The following LGR4 variants were observed in gnomAD, a reference collection of about 807,000 sequenced individuals.
LGR4 encodes leucine-rich repeat-containing G protein-coupled receptor 4.
A neutral mutation model predicts 84.8 loss-of-function variants in LGR4; 44 were observed. The observed-to-expected ratio is 0.52, with a 90% CI of 0.41 to 0.67. LGR4 has a LOEUF of 0.67. Among genes scored for constraint, LGR4 ranks in the 30% least tolerant of loss-of-function variants. The pLI is 0.00. For synonymous variants in LGR4, 429 were observed against 434.3 expected, an observed-to-expected ratio of 0.99 and a Z score of 0.15; for missense variants, 1,032 against 1,131.4, an observed-to-expected ratio of 0.91 and a Z score of 1.26.
At chr11:27,383,580 CATTA>C (rs577526580) in intron 6 of LGR4, among the ~76,000 whole-genome samples, 120 of 152,256 alleles carry the variant, frequency 7.9e-4, no homozygotes, top group African/African-American at 2.8e-3. Context: ...TAAGTCTTCT[CATTA>C]ATTGACAGTT....
In LGR4 at chr11:27,472,436, C is replaced by T. The variant is rs1490784686; in HGVS notation, c.-134G>A. 2 of 598,066 alleles carry T rather than the reference C, an allele frequency of 3.3e-6. No individual in the cohort carries two copies. Among genetic ancestry groups the T allele is most frequent in the African/African-American group, 1.9e-5 (1 of 51,770 alleles). 37.0% of individuals were successfully genotyped at this position (598,066 alleles called of 1,614,324 possible). A position where few individuals can be genotyped will look rare whatever the true frequency, so the allele number is the denominator to read the frequency against. On this transcript the variant is annotated 5_prime_UTR_variant, in exon 1 of 18. Transcript: ENST00000379214. ...TCTCTTCCTCGGCGGTCCGCGCGGG[C>T]TCGGCCCCTTCAGCAGTCCGCCGCA...
At chr11:27,447,449 G>A (rs1016451488) in intron 1 of LGR4, among the ~76,000 whole-genome samples, 1 of 152,102 alleles carries the variant, frequency 6.6e-6, no homozygotes, top group African/African-American at 2.4e-5. Flanking sequence ...ATGTCATGGC[G>A]ATGTCCAGAA....
intron 2 of LGR4, among the ~76,000 whole-genome samples, chr11:27,411,659 T>A (rs1478417170): frequency 6.6e-6 from 1 of 152,154 alleles, no homozygotes; most frequent in Non-Finnish European, 1.5e-5. Flanking sequence ...GAGAGAATAA[T>A]TTGACCTAGC....
At chr11:27,419,923 G>T (rs1234917053) in intron 1 of LGR4, among the ~76,000 whole-genome samples, 2 of 151,922 alleles carry the variant, frequency 1.3e-5, no homozygotes, top group African/African-American at 4.8e-5. Context: ...GGCAACAGTT[G>T]GGGGGTGGAG....
chr11:27,383,886 A>ATAGCATC (rs1863142554), intron 6 of LGR4, among the ~76,000 whole-genome samples: 1 of 152,214 alleles, frequency 6.6e-6, no homozygotes, highest in Non-Finnish European at 1.5e-5. Context: ...AAACAACAAC[A>ATAGCATC]AAAGTATCAT....
Position 27,367,790 on chromosome 11 carries a change from G to T in LGR4, c.*77C>A. 2.8e-6 allele frequency: 3 copies of T among 1,076,244 alleles called. No individual in the cohort carries two copies. Among genetic ancestry groups the T allele is most frequent in the South Asian group, 1.6e-5 (1 of 61,338 alleles). The allele number at this position is 1,076,244 out of a possible 1,614,324, so 66.7% of individuals were successfully genotyped here. A position where few individuals can be genotyped will look rare whatever the true frequency, so the allele number is the denominator to read the frequency against. On this transcript the variant is annotated 3_prime_UTR_variant, in exon 18 of 18. Transcript: ENST00000379214. Reference sequence around the variant, plus strand: ...GCAGTGATTACAGAAGTGCTTCCCAGATGAAAGATGAGAATAGGGTTCACT... The same window carrying T: ...GCAGTGATTACAGAAGTGCTTCCCATATGAAAGATGAGAATAGGGTTCACT...
intron 10 of LGR4, 52 bp downstream of exon 10, chr11:27,380,219 C>T (rs1863065352): frequency 1.8e-6 from 2 of 1,137,390 alleles, no homozygotes; most frequent in Non-Finnish European, 2.6e-6. Flanking sequence ...ACCCTGCTAG[C>T]AGTCCAGTAG....
In LGR4 at chr11:27,410,732, C is replaced by T. The variant is rs186458715; in HGVS notation, c.257+2057G>A. Among the ~76,000 whole-genome samples, 243 of 152,206 alleles carry T rather than the reference C, an allele frequency of 1.6e-3. 2 individuals carry two copies. Among genetic ancestry groups the T allele is most frequent in the Non-Finnish European group, 8.8e-5 (6 of 67,982 alleles). On this transcript the variant is annotated intron_variant, in intron 2 of 17. Coordinates refer to ENST00000379214, the MANE Select transcript of LGR4 (RefSeq NM_018490.5). Reference sequence around the variant, plus strand: ...AGTATTCTTTAAAAATAACATTCTGCTCTCCTAACTGAATTCATTTTTGAA... The same window carrying T: ...AGTATTCTTTAAAAATAACATTCTGTTCTCCTAACTGAATTCATTTTTGAA...
At chr11:27,428,457 G>T (rs1864062354) in intron 1 of LGR4, among the ~76,000 whole-genome samples, 1 of 152,078 alleles carries the variant, frequency 6.6e-6, no homozygotes, top group Admixed American at 6.6e-5. Flanking sequence ...GCTCTTTTTG[G>T]AATAAAATGG....
chr11:27,397,388 A>G (rs1384556005), intron 2 of LGR4, among the ~76,000 whole-genome samples: 1 of 152,144 alleles, frequency 6.6e-6, no homozygotes, highest in Non-Finnish European at 1.5e-5. Context: ...CAATGATCTT[A>G]TATGTCCCTC....
intron 2 of LGR4, among the ~76,000 whole-genome samples, chr11:27,401,519 T>A (rs1247720985): frequency 1.3e-5 from 2 of 150,190 alleles, no homozygotes; most frequent in African/African-American, 4.9e-5. Flanking sequence ...GTTCCAGCTT[T>A]AAAAAAAAAA....
intron 1 of LGR4, among the ~76,000 whole-genome samples, chr11:27,470,420 G>A (rs573659788): frequency 2.1e-3 from 327 of 152,266 alleles, no homozygotes; most frequent in African/African-American, 7.4e-3. Flanking sequence ...GCTAAACAAG[G>A]TCTTTACTAC....
intron 1 of LGR4, 106 bp downstream of exon 1, chr11:27,472,012 C>T: frequency 2.5e-6 from 2 of 799,636 alleles, no homozygotes; most frequent in Non-Finnish European, 1.7e-6. Flanking sequence ...GCCCGGGCGG[C>T]GGCGGGGCGG....
chr11:27,376,922 T>C (rs1040671270), intron 12 of LGR4, among the ~76,000 whole-genome samples: 1 of 152,188 alleles, frequency 6.6e-6, no homozygotes, highest in African/African-American at 2.4e-5. Context: ...CTTTTAAATA[T>C]ACACTAACTT....
chr11:27,405,413 CT>C (rs1863586944), intron 2 of LGR4, among the ~76,000 whole-genome samples: 1 of 152,040 alleles, frequency 6.6e-6, no homozygotes, highest in African/African-American at 2.4e-5. Flanking sequence ...TTGGCAAGCT[CT>C]TTCAATCTAA....
chr11:27,393,091 T>G (rs951066239), intron 2 of LGR4, among the ~76,000 whole-genome samples: 1 of 152,160 alleles, frequency 6.6e-6, no homozygotes, highest in Non-Finnish European at 1.5e-5. Flanking sequence ...AATTTTGACA[T>G]GACAAATTCA....
chr11:27,421,992 T>C (rs1308160561), intron 1 of LGR4, among the ~76,000 whole-genome samples: 1 of 151,810 alleles, frequency 6.6e-6, no homozygotes, highest in Non-Finnish European at 1.5e-5. Flanking sequence ...ATAATATTCC[T>C]TGTTTTCTTC....
intron 1 of LGR4, among the ~76,000 whole-genome samples, chr11:27,467,363 C>A (rs1235804259): frequency 6.6e-6 from 1 of 151,886 alleles, no homozygotes; most frequent in Non-Finnish European, 1.5e-5. Context: ...GTCAGGAATT[C>A]AAGACCAGCC....
chr11:27,394,824 T>C (rs767564253), intron 2 of LGR4, among the ~76,000 whole-genome samples: 98 of 152,220 alleles, frequency 6.4e-4, no homozygotes, highest in South Asian at 2.7e-3. Context: ...TACCGTCTAC[T>C]GGTTGTTTCT....
Sources: gnomAD v4.1 joint callset for allele counts (sites outside exome capture counted in the v4.1 genomes callset) on GRCh38, gnomAD v4.1.1 for gene constraint, MANE v1.5 for transcripts, NCBI Gene and HGNC (gene_info 2026-07-23, HGNC 2026-07-21) for gene names.